The following CRYGN variants were observed in gnomAD, a reference collection of about 807,000 sequenced individuals.
CRYGN encodes the protein crystallin gamma N, also known as gamma-crystallin N.
A neutral mutation model predicts 19.2 loss-of-function variants in CRYGN; 17 were observed. The ratio of observed to expected loss-of-function variants is 0.89; its 90% CI spans 0.61 to 1.33. The LOEUF (loss-of-function observed/expected upper bound fraction) is 1.33. CRYGN is among the 40% of genes most tolerant of loss of function. The probability of loss-of-function intolerance (pLI) is 0.00; values close to 1 mark genes in which losing one functional copy is unlikely to be tolerated. For missense variants in CRYGN, 239 were observed against 239.6 expected, an observed-to-expected ratio of 1.00 and a Z score of 0.02; for synonymous variants, 84 against 85.8, an observed-to-expected ratio of 0.98 and a Z score of 0.12.
Position 151,438,234 on chromosome 7 carries a change from T to C in CRYGN, c.32A>G (p.Tyr11Cys), listed in dbSNP as rs748463891. The C allele has an allele frequency of 2.5e-5, 41 of 1,610,182 alleles. No homozygotes were observed. Among genetic ancestry groups the C allele is most frequent in the East Asian group, 1.6e-4 (7 of 44,826 alleles). Residue 11 changes from tyrosine to cysteine, a missense_variant, in exon 2 of 4, where the codon TAT (tyrosine) becomes TGT (cysteine). Transcript: ENST00000337323. The part of the protein sequence containing the change: MAQRSGKITL[Y>C]EGKHFTGQKL... ...CTGCCCTGTGAAGTGCTTGCCTTCA[T>C]AGAGAGTGATCTAGAAAGGGCAGGT...
At chr7:151,432,956 G>T (rs1011913805) in intron 3 of CRYGN, among the ~76,000 whole-genome samples, 10 of 152,304 alleles carry the variant, frequency 6.6e-5, no homozygotes, top group African/African-American at 2.4e-4. Flanking sequence ...ACTGTGTCAG[G>T]TACCAGAGGT....
chr7:151,440,175 C>T (rs1801729333), upstream of CRYGN: 2 of 1,176,482 alleles, frequency 1.7e-6, no homozygotes, highest in African/African-American at 1.6e-5. Context: ...TGAGCCCTCC[C>T]GCCCAGCCCG....
In CRYGN at chr7:151,436,427, G is replaced by T; in HGVS notation, c.271-102C>A. 2.9e-6 allele frequency: 3 copies of T among 1,043,636 alleles called. No individual in the cohort carries two copies. Among genetic ancestry groups the T allele is most frequent in the Non-Finnish European group, 4.0e-6 (3 of 751,260 alleles). 64.6% of individuals were successfully genotyped at this position (1,043,636 alleles called of 1,614,324 possible). ...CAGGAAGGAATTAGGAGGTACCCAA[G>T]GCACTGGGCACCCCCACCCCACACA... is the stretch of plus-strand genomic sequence containing the variant. On this transcript the variant is annotated intron_variant, in intron 2 of 3. Transcript: ENST00000337323. The surrounding 1 kb of genome is among the most constrained non-coding windows in gnomAD (Gnocchi z 5.1).
In CRYGN at chr7:151,430,152, C is replaced by T. The variant is rs376078087; in HGVS notation, c.445G>A (p.Glu149Lys). 1.2e-6 allele frequency: 2 copies of T among 1,613,960 alleles called. No homozygotes were observed. Among genetic ancestry groups the T allele is most frequent in the African/African-American group, 2.7e-5 (2 of 74,908 alleles). The change falls in exon 4 of 4, where the codon GAG becomes AAG. Residue 149 changes from glutamate (E) to lysine (K), a missense_variant. Glu to Lys is a moderately conservative substitution (Grantham distance 56, BLOSUM62 1). Transcript: ENST00000337323. This position sits in a 1 kb window ranked among gnomAD's most constrained non-coding sequence, Gnocchi z 5.2. ...AGAGAGCTGCTCAGCTGGAAGTCCT[C>T]AGCTCCGAAGCTTCTAGGGCTCCAT... ...AAWSPRSFGA[E>K]DFQLSSSLQS...
At position 151,433,139 on chromosome 7, in the gene CRYGN, G is replaced by A. The variant is rs528929781; in HGVS notation, c.417-2959C>T. 6.6e-6 allele frequency among the ~76,000 whole-genome samples: 1 copy of A among 152,322 alleles called. No individual in the cohort carries two copies. Among genetic ancestry groups the A allele is most frequent in the South Asian group, 2.1e-4 (1 of 4,828 alleles). On this transcript the variant is annotated intron_variant, in intron 3 of 3. Coordinates refer to ENST00000337323, the MANE Select transcript of CRYGN (RefSeq NM_144727.3). The surrounding 1 kb of genome is among the most constrained non-coding windows in gnomAD (Gnocchi z 5.1). ...TCCTCCTCCCCTTCTGCACACCACT[G>A]GGGCAGCCACCAACAACCCAGAGAG...
At position 151,430,508 on chromosome 7, in the gene CRYGN, C is replaced by T. The variant is rs904657926; in HGVS notation, c.417-328G>A. On this transcript the variant is annotated intron_variant, in intron 3 of 3. Transcript: ENST00000337323. This position sits in a 1 kb window ranked among gnomAD's most constrained non-coding sequence, Gnocchi z 5.2. Reference sequence around the variant, plus strand: ...GGAGAGGTTGGAGGACACCCAGGAACGGGACAGCCATCCCCTGGCCCACCA... The same window carrying T: ...GGAGAGGTTGGAGGACACCCAGGAATGGGACAGCCATCCCCTGGCCCACCA... 3.9e-5 allele frequency among the ~76,000 whole-genome samples: 6 copies of T among 152,150 alleles called. No homozygotes were observed. The highest frequency in any genetic ancestry group is 7.2e-5 in the African/African-American group (3 of 41,422).
At position 151,439,888 on chromosome 7, in the gene CRYGN, C is replaced by T. The variant is rs1164988463; in HGVS notation, c.21+9G>A. ...ACTCGGTTTCCTTGGGGTTGAGGGA[C>T]GCACTCACCTTCCCCGAGCGCTGCG... On this transcript the variant is annotated intron_variant, in intron 1 of 3. Coordinates refer to ENST00000337323, the MANE Select transcript of CRYGN (RefSeq NM_144727.3). The T allele has an allele frequency of 1.9e-6, 3 of 1,557,266 alleles. No individual in the cohort carries two copies. The highest frequency in any genetic ancestry group is 1.7e-6 in the Non-Finnish European group (2 of 1,152,552).
chr7:151,439,653 T>A (rs1801711073), intron 1 of CRYGN, among the ~76,000 whole-genome samples: 1 of 152,094 alleles, frequency 6.6e-6, no homozygotes, highest in Non-Finnish European at 1.5e-5. Flanking sequence ...ACACCCTCCC[T>A]GCTCCTGACT....
At chr7:151,434,761 T>C (rs1801558281) in intron 3 of CRYGN, among the ~76,000 whole-genome samples, 1 of 152,202 alleles carries the variant, frequency 6.6e-6, no homozygotes, top group African/African-American at 2.4e-5. Flanking sequence ...ACATGATATA[T>C]AACAAAGCCA....
chr7:151,438,273 G>A (rs771639880), intron 1 of CRYGN, 29 bp from the exon 2 acceptor site: 113 of 1,583,250 alleles, frequency 7.1e-5, no homozygotes, highest in Admixed American at 2.2e-4. Context: ...AGAGCTCAGG[G>A]TCAGGGGCTT....
In CRYGN at chr7:151,439,904, G is replaced by A. The variant is rs558343422; in HGVS notation, c.14C>T (p.Ser5Leu). ...GTTGAGGGACGCACTCACCTTCCCC[G>A]AGCGCTGCGCCATGGTGCGCCCCGC... MAQR[S>L]GKITLYEGKH... Residue 5 changes from serine (S) to leucine (L), a missense_variant, in exon 1 of 4, where the codon TCG (serine) becomes TTG (leucine). Coordinates refer to ENST00000337323, the MANE Select transcript of CRYGN (RefSeq NM_144727.3). 3.7e-5 allele frequency: 57 copies of A among 1,553,986 alleles called. No homozygotes were observed. In the African/African-American group the frequency reaches 7.1e-4, roughly 19 times the overall value.
Position 151,429,822 on chromosome 7 carries a change from C to A in CRYGN, c.*226G>T. 3.5e-6 allele frequency: 2 copies of A among 576,800 alleles called. No homozygotes were observed. Among genetic ancestry groups the A allele is most frequent in the Non-Finnish European group, 3.1e-6 (1 of 322,302 alleles). 35.7% of individuals were successfully genotyped at this position (576,800 alleles called of 1,614,324 possible). ...TGGAGGCCTGAGGCCAGCAGGGTGC[C>A]AAGGCCCAAGGAGGCTGTGGGGTGG... is the stretch of plus-strand genomic sequence containing the variant. On this transcript the variant is annotated 3_prime_UTR_variant, in exon 4 of 4. Transcript: ENST00000337323.
At position 151,430,447 on chromosome 7, in the gene CRYGN, T is replaced by C. The variant is rs55802708; in HGVS notation, c.417-267A>G. On this transcript the variant is annotated intron_variant, in intron 3 of 3. Coordinates refer to ENST00000337323, the MANE Select transcript of CRYGN (RefSeq NM_144727.3). The surrounding 1 kb of genome is among the most constrained non-coding windows in gnomAD (Gnocchi z 5.2). ...CTTGGGTGAATTGGGTGACCCATCGTGACTCTTTTTCCATTGCTCTCTCAG... is the reference window on the plus strand; with the variant it reads ...CTTGGGTGAATTGGGTGACCCATCGCGACTCTTTTTCCATTGCTCTCTCAG... 6.6e-6 allele frequency among the ~76,000 whole-genome samples: 1 copy of C among 152,210 alleles called. No individual in the cohort carries two copies. Among genetic ancestry groups the C allele is most frequent in the Non-Finnish European group, 1.5e-5 (1 of 68,000 alleles).
intron 2 of CRYGN, 48 bp downstream of exon 2, chr7:151,437,948 G>C (rs779688736): frequency 6.9e-6 from 11 of 1,605,770 alleles, no homozygotes; most frequent in Non-Finnish European, 6.8e-6. Flanking sequence ...GCTGACCCTC[G>C]GTCCCTCCAG....
At chr7:151,437,672 C>A (rs1801650906) in intron 2 of CRYGN, among the ~76,000 whole-genome samples, 1 of 152,338 alleles carries the variant, frequency 6.6e-6, no homozygotes, top group African/African-American at 2.4e-5. Flanking sequence ...GGCGGAGTGT[C>A]CCCTATCTGG....
In CRYGN at chr7:151,435,505, A is replaced by C. The variant is rs1801580927; in HGVS notation, c.416+675T>G. 6.6e-6 allele frequency among the ~76,000 whole-genome samples: 1 copy of C among 152,182 alleles called. No homozygotes were observed. Among genetic ancestry groups the C allele is most frequent in the Non-Finnish European group, 1.5e-5 (1 of 68,018 alleles). On this transcript the variant is annotated intron_variant, in intron 3 of 3. Transcript: ENST00000337323. The surrounding 1 kb of genome is among the most constrained non-coding windows in gnomAD (Gnocchi z 4.2). ...GCAAAAGGGGAGTGTGCGGGAGGGC[A>C]GGAGGGGGCACACAGGCTGCCCTTG...
In CRYGN at chr7:151,436,151, C is replaced by T. The variant is rs552213860; in HGVS notation, c.416+29G>A. On this transcript the variant is annotated intron_variant, in intron 3 of 3. Transcript: ENST00000337323. The surrounding 1 kb of genome is among the most constrained non-coding windows in gnomAD (Gnocchi z 5.1). Reference sequence around the variant, plus strand: ...GGTGCTGAAGGGCCTAGCCGGGCCTCGGGGTGCGGCCACGTGGCCTGTACT... The same window carrying T: ...GGTGCTGAAGGGCCTAGCCGGGCCTTGGGGTGCGGCCACGTGGCCTGTACT... The T allele has an allele frequency of 2.2e-4, 310 of 1,397,762 alleles. 3 individuals are homozygous for T. The South Asian group carries it at 3.2e-3, about 15-fold the overall frequency. The allele number at this position is 1,397,762 out of a possible 1,614,324, so 86.6% of individuals were successfully genotyped here.
In CRYGN at chr7:151,438,235, A is replaced by G. The variant is rs772563042; in HGVS notation, c.31T>C (p.Tyr11His). MAQRSGKITL[Y>H]EGKHFTGQKL... is the part of the protein sequence containing the mutation. The stretch of plus-strand genomic sequence containing the variant: ...TGCCCTGTGAAGTGCTTGCCTTCAT[A>G]GAGAGTGATCTAGAAAGGGCAGGTT... Residue 11 changes from tyrosine to histidine, a missense_variant, in exon 2 of 4, where the codon TAT (tyrosine) becomes CAT (histidine). Physicochemically the swap from Tyr to His is moderately conservative, Grantham distance 83 (BLOSUM62 2). Transcript: ENST00000337323. The G allele has an allele frequency of 3.7e-6, 6 of 1,610,340 alleles. No homozygotes were observed. Among genetic ancestry groups the G allele is most frequent in the Non-Finnish European group, 5.1e-6 (6 of 1,178,386 alleles).
chr7:151,437,314 G>C (rs1269569843), intron 2 of CRYGN, among the ~76,000 whole-genome samples: 3 of 152,208 alleles, frequency 2.0e-5, no homozygotes, highest in Non-Finnish European at 2.9e-5. Flanking sequence ...CACGCCCCCA[G>C]GCTCAGGAGT....
Sources: allele counts gnomAD v4.1 joint callset (sites outside exome capture counted in the v4.1 genomes callset), GRCh38; gene constraint gnomAD v4.1.1; non-coding constraint Gnocchi (gnomAD v3.1); transcripts MANE v1.5; gene names NCBI Gene and HGNC (gene_info 2026-07-23, HGNC 2026-07-21).